Variants in VPS13D observed in about 807,000 individuals in gnomAD.
VPS13D encodes intermembrane lipid transfer protein VPS13D.
A neutral mutation model predicts 461.9 loss-of-function variants in VPS13D; 187 were observed. The ratio of observed to expected loss-of-function variants is 0.40; its 90% confidence interval spans 0.36 to 0.46. The LOEUF (loss-of-function observed/expected upper bound fraction) is 0.46, where lower values mean the gene tolerates loss of function less well. Ranked by LOEUF, VPS13D falls within the 20% of genes least tolerant of loss-of-function variation. The pLI, the probability that VPS13D is intolerant of heterozygous loss-of-function variation, is 0.60. For synonymous variants in VPS13D, 1,951 were observed against 1,986.3 expected (o/e 0.98, Z 0.47); for missense variants, 4,711 against 5,364.9 (o/e 0.88, Z 3.81).
intron 19 of VPS13D, among the ~76,000 whole-genome samples, chr1:12,278,256 A>T (rs1641674565): frequency 6.6e-6 from 1 of 152,114 alleles, no homozygotes. Context: ...ACAGGAATTT[A>T]CTTACTTTTA....
chr1:12,429,241 G>A (rs1644963000), intron 65 of VPS13D, among the ~76,000 whole-genome samples: 1 of 151,866 alleles, frequency 6.6e-6, no homozygotes, highest in South Asian at 2.1e-4. Context: ...TACATTCAAT[G>A]AATGTGTTAT....
rs1642831624 is a variant in VPS13D at position 12,314,179 on chromosome 1, T to C, written c.7000T>C (p.Leu2334=). The part of the protein sequence containing the change: ...SFSNQTKSIN[L]VSHSMMAFDT... ...TTCCAACCAAACCAAGTCCATTAAC[T>C]TGGTTTCCCATTCCATGATGGCTTT... Residue 2334 remains leucine, a synonymous_variant, in exon 30 of 70, where the codon TTG becomes CTG. Transcript: ENST00000620676. 3 of 1,614,094 alleles carry C rather than the reference T, an allele frequency of 1.9e-6. No homozygotes were observed. Among genetic ancestry groups the C allele is most frequent in the Middle Eastern group, 1.6e-4 (1 of 6,084 alleles).
chr1:12,349,403 A>T, intron 46 of VPS13D, 29 bp downstream of exon 46: 7 of 1,592,346 alleles, frequency 4.4e-6, no homozygotes, highest in Admixed American at 3.5e-5. Context: ...GTGACATGTC[A>T]CTTTTGCCTT....
rs1225634374 is a variant in VPS13D at position 12,400,320 on chromosome 1, A to C, written c.11774A>C (p.Asn3925Thr). ...TTCCCCAGTAAGAGTGCACTGACCA[A>C]CATCTACAAGGTGGGCTGGTGGAGG... ...VKFPSKSALT[N>T]IYKHLMITAQ... The change falls in exon 61 of 70, where the codon AAC (asparagine) becomes ACC (threonine). Residue 3925 changes from asparagine (N) to threonine (T), a missense_variant. This residue lies in a region of VPS13D where 4,411 missense variants were observed against 4,937.8 expected (regional missense o/e 0.89). Coordinates refer to ENST00000620676, the MANE Select transcript of VPS13D (RefSeq NM_015378.4). The C allele has an allele frequency of 6.2e-7, 1 of 1,614,060 alleles. No homozygotes were observed. The highest frequency in any genetic ancestry group is 1.1e-5 in the South Asian group (1 of 91,056).
At chr1:12,486,424 C>T (rs1010049399) in intron 67 of VPS13D, among the ~76,000 whole-genome samples, 7 of 152,184 alleles carry the variant, frequency 4.6e-5, no homozygotes, top group African/African-American at 1.7e-4. Context: ...GTGCCGTGAC[C>T]TGATCCCTTG....
At chr1:12,441,724 T>G (rs1254057821) in intron 65 of VPS13D, among the ~76,000 whole-genome samples, 1 of 152,246 alleles carries the variant, frequency 6.6e-6, no homozygotes, top group East Asian at 1.9e-4. Context: ...AAGATCTTTC[T>G]TCTTCAATCC....
At chr1:12,396,997 G>A (rs915113461) in intron 60 of VPS13D, among the ~76,000 whole-genome samples, 5 of 152,122 alleles carry the variant, frequency 3.3e-5, no homozygotes, top group African/African-American at 4.8e-5. Flanking sequence ...GCAGTGGTAC[G>A]ATCTCTGCTT....
chr1:12,275,751 C>T, intron 18 of VPS13D, 74 bp from the exon 19 acceptor site: 5 of 1,450,798 alleles, frequency 3.4e-6, no homozygotes, highest in South Asian at 2.9e-5. Flanking sequence ...CTCTACCTTT[C>T]ATAATTATTA....
chr1:12,393,839 T>A (rs1421209214), intron 60 of VPS13D, among the ~76,000 whole-genome samples: 1 of 152,208 alleles, frequency 6.6e-6, no homozygotes, highest in Non-Finnish European at 1.5e-5. Flanking sequence ...ATTCTGGCAC[T>A]GGTGACATGA....
chr1:12,448,305 A>G (rs565692438), intron 65 of VPS13D, among the ~76,000 whole-genome samples: 5 of 152,218 alleles, frequency 3.3e-5, no homozygotes, highest in Non-Finnish European at 5.9e-5. Flanking sequence ...TTTTTCCTGC[A>G]TTATAATCTA....
rs769172017 is a variant in VPS13D, at chr1:12,378,534, C to A, written c.11024C>A (p.Ser3675Tyr). 1.2e-5 allele frequency: 20 copies of A among 1,611,990 alleles called. No homozygotes were observed. Among genetic ancestry groups the A allele is most frequent in the Non-Finnish European group, 1.6e-5 (19 of 1,179,074 alleles). The change falls in exon 56 of 70, where the codon TCC (serine) becomes TAC (tyrosine). Residue 3675 changes from serine (S) to tyrosine (Y), a missense_variant. Transcript: ENST00000620676. ...CCCAATAAGCCCTCAGCCGCCCGCTCCACCGAGGGGTCTGCCATCTTAGAT... is the reference window on the plus strand; with the variant it reads ...CCCAATAAGCCCTCAGCCGCCCGCTACACCGAGGGGTCTGCCATCTTAGAT... The part of the protein sequence containing the change: ...HNPNKPSAAR[S>Y]TEGSAILDIA...
intron 34 of VPS13D, among the ~76,000 whole-genome samples, chr1:12,323,248 C>CT (rs940558894): frequency 5.6e-4 from 82 of 147,658 alleles, no homozygotes; most frequent in South Asian, 1.7e-3. Context: ...TAATTTTTAC[C>CT]TTTTTTTTTT....
chr1:12,327,152 C>T (rs757213124), intron 35 of VPS13D, among the ~76,000 whole-genome samples: 64 of 152,142 alleles, frequency 4.2e-4, no homozygotes, highest in Non-Finnish European at 6.9e-4. Context: ...GATCAAATAA[C>T]TTGCCCAAGA....
chr1:12,475,424 C>T (rs1645617831), intron 67 of VPS13D, among the ~76,000 whole-genome samples: 1 of 152,216 alleles, frequency 6.6e-6, no homozygotes, highest in Admixed American at 6.5e-5. Context: ...AGGGCTGGCT[C>T]TGCCATCAGG....
rs895821738 is a variant in VPS13D, at chr1:12,393,262, G to A, written c.11635-6919G>A. Among the ~76,000 whole-genome samples the A allele has an allele frequency of 4.6e-5, 7 of 152,182 alleles. No homozygotes were observed. The East Asian group carries it at 5.8e-4, about 13-fold the overall frequency. On this transcript the variant is annotated intron_variant, in intron 60 of 69. Transcript: ENST00000620676. The stretch of plus-strand genomic sequence containing the variant: ...GTAATGGACCAGTGTGATATTTTGC[G>A]GAAGCAAAAAGCAATCAAGGTCTCT...
Position 12,323,799 on chromosome 1 carries a change from T to C in VPS13D, c.7990+19T>C, listed in dbSNP as rs1306240030. The C allele has an allele frequency of 6.2e-7, 1 of 1,610,980 alleles. No individual in the cohort carries two copies. Among genetic ancestry groups the C allele is most frequent in the South Asian group, 1.1e-5 (1 of 90,610 alleles). On this transcript the variant is annotated intron_variant, in intron 35 of 69. Transcript: ENST00000620676. ...TGTCAAGGTAATTTGAACAGGGTTCTGTTACCCGTTGTTTATCTTGATGAT... is the reference window on the plus strand; with the variant it reads ...TGTCAAGGTAATTTGAACAGGGTTCCGTTACCCGTTGTTTATCTTGATGAT...
intron 39 of VPS13D, chr1:12,337,799 C>T: frequency 6.3e-6 from 1 of 157,734 alleles, no homozygotes; most frequent in Non-Finnish European, 1.4e-5. Context: ...TTTTTGAGAT[C>T]CCCTGAGACT....
chr1:12,470,638 AT>A (rs1236490637), intron 67 of VPS13D, among the ~76,000 whole-genome samples: 1 of 152,218 alleles, frequency 6.6e-6, no homozygotes, highest in Non-Finnish European at 1.5e-5. Context: ...GAATATTTAA[AT>A]AATTGAGGAC....
chr1:12,489,420 A>C lies in VPS13D; in HGVS notation c.12663-8080A>C, dbSNP rs142782868. On this transcript the variant is annotated intron_variant, in intron 67 of 69. Transcript: ENST00000620676. ...AATTGCTAAAAACTTAACAATATCA[A>C]TATAATTTCTAATGATTTCTTGAAT... 1.8e-3 allele frequency among the ~76,000 whole-genome samples: 277 copies of C among 152,364 alleles called. 4 individuals are homozygous for C. The highest frequency in any genetic ancestry group is 6.5e-3 in the African/African-American group (269 of 41,586).
Sources: gnomAD v4.1 joint callset for allele counts (sites outside exome capture counted in the v4.1 genomes callset) on GRCh38, gnomAD v4.1.1 for gene constraint, gnomAD v4.1.1 regional missense constraint, MANE v1.5 for transcripts, NCBI Gene and HGNC (gene_info 2026-07-23, HGNC 2026-07-21) for gene names.